The following GGT7 variants were observed in gnomAD, a reference collection of about 807,000 sequenced individuals.
GGT7 encodes gamma-glutamyltransferase 7, also known as glutathione hydrolase 7.
Under a neutral mutation model 69.2 loss-of-function variants are expected in GGT7, and 30 were observed. The observed-to-expected ratio is 0.43, with a 90% CI of 0.32 to 0.59. The LOEUF is 0.59. GGT7 is among the 20% of genes least tolerant of loss of function. GGT7 has a pLI of 0.05. For missense variants in GGT7, 733 were observed against 901.1 expected, an observed-to-expected ratio of 0.81 and a Z score of 2.39; for synonymous variants, 388 against 391.8, an observed-to-expected ratio of 0.99 and a Z score of 0.12.
At chr20:34,870,471 G>A (rs949800816) in intron 1 of GGT7, among the ~76,000 whole-genome samples, 2 of 152,088 alleles carry the variant, frequency 1.3e-5, no homozygotes, top group African/African-American at 2.4e-5. Context: ...AAATAGAGAT[G>A]AGGGTTTTTT....
chr20:34,854,426 A>C (rs1301043432), intron 10 of GGT7, 105 bp downstream of exon 10: 8 of 668,362 alleles, frequency 1.2e-5, no homozygotes, highest in East Asian at 5.4e-5. Context: ...GCTGAAATTG[A>C]CTTAGGATTT....
At position 34,850,343 on chromosome 20, in the gene GGT7, G is replaced by A. The variant is rs2146885133; in HGVS notation, c.1726-283C>T. On this transcript the variant is annotated intron_variant, in intron 13 of 14. Coordinates refer to ENST00000336431, the MANE Select transcript of GGT7 (RefSeq NM_178026.3). ...ACCAAGTCTCTTTAATCTAGCCCGG[G>A]GCTCCCTTCTTTTCTCTCTGGATAG... 2 of 570,984 alleles carry A rather than the reference G, an allele frequency of 3.5e-6. 1 individual carries two copies. The highest frequency in any genetic ancestry group is 3.6e-5 in the South Asian group (2 of 55,422). 35.4% of individuals were successfully genotyped at this position (570,984 alleles called of 1,614,324 possible). A position where few individuals can be genotyped will look rare whatever the true frequency, so the allele number is the denominator to read the frequency against.
chr20:34,855,346 G>T lies in GGT7; in HGVS notation c.1103-423C>A, dbSNP rs370122295. On this transcript the variant is annotated intron_variant, in intron 8 of 14. Coordinates refer to ENST00000336431, the MANE Select transcript of GGT7 (RefSeq NM_178026.3). Reference sequence around the variant, plus strand: ...GTCTCATCCAGCCCCAAACTTCTTGGCAGCAGCAACCTTCTCTTCCTATTC... The same window carrying T: ...GTCTCATCCAGCCCCAAACTTCTTGTCAGCAGCAACCTTCTCTTCCTATTC... Among the ~76,000 whole-genome samples the T allele has an allele frequency of 2.6e-5, 4 of 152,286 alleles. No individual in the cohort carries two copies. The East Asian group carries it at 7.7e-4, about 29-fold the overall frequency.
At chr20:34,871,569 A>C (rs1282508810) in intron 1 of GGT7, among the ~76,000 whole-genome samples, 3 of 152,230 alleles carry the variant, frequency 2.0e-5, no homozygotes, top group Admixed American at 6.5e-5. Flanking sequence ...AGTGCAGTCC[A>C]GTCAGGTTGG....
At chr20:34,867,375 A>G (rs1331033407) in intron 1 of GGT7, among the ~76,000 whole-genome samples, 1 of 152,202 alleles carries the variant, frequency 6.6e-6, no homozygotes, top group Non-Finnish European at 1.5e-5. Flanking sequence ...ACAGATGAGA[A>G]AACTAAGACC....
intron 9 of GGT7, 80 bp from the exon 10 acceptor site, chr20:34,854,699 A>G: frequency 1.3e-6 from 2 of 1,589,040 alleles, no homozygotes; most frequent in Non-Finnish European, 1.7e-6. Context: ...GTGTGTGAGA[A>G]AACTTGGAGG....
intron 8 of GGT7, among the ~76,000 whole-genome samples, chr20:34,855,582 C>T (rs186362047): frequency 3.2e-4 from 48 of 152,244 alleles, no homozygotes; most frequent in African/African-American, 1.0e-3. Context: ...AATCTATATT[C>T]AGTGCATGCT....
intron 3 of GGT7, 21 bp from the exon 4 acceptor site, chr20:34,861,583 G>C (rs978420541): frequency 1.5e-6 from 2 of 1,358,068 alleles, no homozygotes; most frequent in African/African-American, 1.5e-5. Context: ...CACAGAAGGG[G>C]AAGTGTGATG....
chr20:34,868,450 G>A (rs2079728642), intron 1 of GGT7, among the ~76,000 whole-genome samples: 1 of 152,226 alleles, frequency 6.6e-6, no homozygotes. Flanking sequence ...AAGATGACAA[G>A]TTCAATTTTG....
chr20:34,867,384 C>A (rs181638450), intron 1 of GGT7, among the ~76,000 whole-genome samples: 66 of 152,182 alleles, frequency 4.3e-4, no homozygotes, highest in African/African-American at 1.6e-3. Context: ...AAAACTAAGA[C>A]CAAGAAAGGT....
At chr20:34,852,328 C>A in intron 11 of GGT7, 56 bp from the exon 12 acceptor site, 1 of 1,606,818 alleles carries the variant, frequency 6.2e-7, no homozygotes, top group African/African-American at 1.3e-5. Context: ...TCTACCCAGC[C>A]CCCACCCCCT....
At chr20:34,861,320 A>G (rs775062817) in intron 4 of GGT7, 125 bp downstream of exon 4, 30 of 484,662 alleles carry the variant, frequency 6.2e-5, no homozygotes, top group East Asian at 3.1e-5. Flanking sequence ...TCATAGCCTA[A>G]GAGAATCCTG....
At chr20:34,872,401 A>G (rs1011472636) in intron 1 of GGT7, 2 of 366,408 alleles carry the variant, frequency 5.5e-6, no homozygotes, top group African/African-American at 2.1e-5. Context: ...TTCTTCCCAG[A>G]AGGTAAGCCC....
chr20:34,852,551 G>A lies in GGT7; in HGVS notation c.1320-13C>T, dbSNP rs2079415959. Reference sequence around the variant, plus strand: ...GGCCTCCACCTTGCTGAAAAGACAAGGGGTGGGAGATGAGCAAACAACAGG... The same window carrying A: ...GGCCTCCACCTTGCTGAAAAGACAAAGGGTGGGAGATGAGCAAACAACAGG... On this transcript the variant is annotated splice_polypyrimidine_tract_variant and intron_variant, in intron 10 of 14. Coordinates refer to ENST00000336431, the MANE Select transcript of GGT7 (RefSeq NM_178026.3). 4 of 1,566,286 alleles carry A rather than the reference G, an allele frequency of 2.6e-6. No homozygotes were observed. The highest frequency in any genetic ancestry group is 2.1e-5 in the Admixed American group (1 of 48,750).
intron 1 of GGT7, among the ~76,000 whole-genome samples, chr20:34,867,955 T>C (rs964864489): frequency 3.3e-5 from 5 of 152,172 alleles, no homozygotes; most frequent in African/African-American, 1.2e-4. Flanking sequence ...CCTCCGCCTT[T>C]GGGTTCAAGC....
intron 1 of GGT7, among the ~76,000 whole-genome samples, chr20:34,866,890 C>G (rs1324308132): frequency 6.6e-6 from 1 of 151,146 alleles, no homozygotes; most frequent in Admixed American, 6.6e-5. Context: ...TGTTTTTAAA[C>G]TTTATTTTCA....
chr20:34,859,908 CAA>C, intron 6 of GGT7, 59 bp downstream of exon 6: 1 of 1,233,694 alleles, frequency 8.1e-7, no homozygotes, highest in Non-Finnish European at 1.2e-6. Context: ...CTCCAAATCT[CAA>C]AGATTCTACC....
intron 1 of GGT7, among the ~76,000 whole-genome samples, chr20:34,870,449 T>C (rs2079760207): frequency 6.6e-6 from 1 of 152,334 alleles, no homozygotes; most frequent in Admixed American, 6.5e-5. Flanking sequence ...AATTATTGAG[T>C]GCCCAATAAA....
At chr20:34,850,777 C>G (rs746235061) in intron 13 of GGT7, 1 of 491,158 alleles carries the variant, frequency 2.0e-6, no homozygotes, top group African/African-American at 1.9e-5. Context: ...AGATCGTTAA[C>G]TCACCACCTG....
Sources: gnomAD v4.1 joint callset for allele counts (sites outside exome capture counted in the v4.1 genomes callset) on GRCh38, gnomAD v4.1.1 for gene constraint, MANE v1.5 for transcripts, NCBI Gene and HGNC (gene_info 2026-07-23, HGNC 2026-07-21) for gene names.